Variants in MCTP1 observed in about 807,000 individuals in gnomAD.
MCTP1 encodes multiple C2 and transmembrane domain-containing protein 1.
Under a neutral mutation model 120.6 loss-of-function variants are expected in MCTP1, and 69 were observed. The ratio of observed to expected loss-of-function variants is 0.57; its 90% CI spans 0.47 to 0.70. The LOEUF (loss-of-function observed/expected upper bound fraction) is 0.70. Ranked by LOEUF, MCTP1 falls within the 30% of genes least tolerant of loss-of-function variation. MCTP1 has a pLI of 0.00. For synonymous variants in MCTP1, 529 were observed against 493.1 expected (o/e 1.07, Z -0.96); for missense variants, 1,203 against 1,248.8 (o/e 0.96, Z 0.55).
At chr5:95,028,887 C>T (rs916848135) in intron 1 of MCTP1, among the ~76,000 whole-genome samples, 24 of 152,142 alleles carry the variant, frequency 1.6e-4, no homozygotes, top group African/African-American at 5.8e-4. Context: ...GTAGGCCGGG[C>T]ACGGTGGCTC....
At chr5:95,213,380 A>G (rs1752637968) in intron 1 of MCTP1, among the ~76,000 whole-genome samples, 1 of 152,232 alleles carries the variant, frequency 6.6e-6, no homozygotes, top group Non-Finnish European at 1.5e-5. Context: ...AAACAAATGG[A>G]AGAACATTCC....
At chr5:95,280,643 A>G (rs1760240214) in intron 1 of MCTP1, among the ~76,000 whole-genome samples, 1 of 152,086 alleles carries the variant, frequency 6.6e-6, no homozygotes, top group South Asian at 2.1e-4. Flanking sequence ...AGTGGGAAGA[A>G]AGGGATATTT....
At chr5:94,825,360 T>G (rs1313300780) in intron 17 of MCTP1, among the ~76,000 whole-genome samples, 1 of 152,222 alleles carries the variant, frequency 6.6e-6, no homozygotes, top group African/African-American at 2.4e-5. Context: ...TTGAATGAGT[T>G]TCTTAATCCT....
At position 94,938,579 on chromosome 5, in the gene MCTP1, T is replaced by C. The variant is rs575189327; in HGVS notation, c.1173+1505A>G. Among the ~76,000 whole-genome samples the C allele has an allele frequency of 2.0e-5, 3 of 152,174 alleles. No homozygotes were observed. In the East Asian group the frequency reaches 5.8e-4, roughly 29 times the overall value. ...AGTAAAAATTTTCCTATATTTGCTCTTTCAGCAATATGTACCTCTTTTTCA... is the reference window on the plus strand; with the variant it reads ...AGTAAAAATTTTCCTATATTTGCTCCTTCAGCAATATGTACCTCTTTTTCA... On this transcript the variant is annotated intron_variant, in intron 5 of 22. Transcript: ENST00000515393.
rs1754369764 is a variant in MCTP1 at position 94,705,595 on chromosome 5, C to G, written c.*1901G>C. The G allele has an allele frequency of 6.6e-6, 1 of 150,412 alleles. No homozygotes were observed. Among genetic ancestry groups the G allele is most frequent in the Non-Finnish European group, 1.5e-5 (1 of 67,518 alleles). The allele number at this position is 150,412 out of a possible 1,614,324, so 9.3% of individuals were successfully genotyped here. ...TACAGTGAATGTGTAGTCAGCATTA[C>G]CATTGAACTAAACATCTGAAATTTG... On this transcript the variant is annotated 3_prime_UTR_variant, in exon 23 of 23. Transcript: ENST00000515393.
intron 19 of MCTP1, among the ~76,000 whole-genome samples, chr5:94,732,031 C>T (rs1290474557): frequency 2.0e-5 from 3 of 152,100 alleles, no homozygotes; most frequent in Non-Finnish European, 4.4e-5. Flanking sequence ...AGAAAGCTAC[C>T]TAGTGGCAAA....
chr5:94,938,864 G>A (rs990916949), intron 5 of MCTP1, among the ~76,000 whole-genome samples: 4 of 152,042 alleles, frequency 2.6e-5, no homozygotes, highest in South Asian at 2.1e-4. Flanking sequence ...CTAAGATGAC[G>A]GGCTTTCATT....
At chr5:94,772,630 C>T (rs1774340121) in intron 19 of MCTP1, among the ~76,000 whole-genome samples, 1 of 152,176 alleles carries the variant, frequency 6.6e-6, no homozygotes, top group Non-Finnish European at 1.5e-5. Flanking sequence ...GCCTACTACA[C>T]ACTCCCTCAG....
At chr5:95,194,325 C>T (rs971251295) in intron 1 of MCTP1, among the ~76,000 whole-genome samples, 2 of 152,166 alleles carry the variant, frequency 1.3e-5, no homozygotes, top group African/African-American at 4.8e-5. Flanking sequence ...AAGTGGGATT[C>T]AAACCCAGGC....
At chr5:94,883,400 T>A (rs1800547592) in intron 12 of MCTP1, among the ~76,000 whole-genome samples, 1 of 152,158 alleles carries the variant, frequency 6.6e-6, no homozygotes, top group African/African-American at 2.4e-5. Flanking sequence ...ATACTTTCCT[T>A]GAGGAATGTC....
intron 1 of MCTP1, among the ~76,000 whole-genome samples, chr5:95,192,577 A>G (rs904273272): frequency 6.6e-6 from 1 of 152,134 alleles, no homozygotes; most frequent in African/African-American, 2.4e-5. Flanking sequence ...AAAAGGGCAG[A>G]CATATTTATT....
chr5:95,187,420 G>C (rs1403980363), intron 1 of MCTP1, among the ~76,000 whole-genome samples: 3 of 152,202 alleles, frequency 2.0e-5, no homozygotes, highest in Non-Finnish European at 4.4e-5. Flanking sequence ...TTTGTTTTGA[G>C]ATGGAGTCTT....
chr5:95,196,957 G>A (rs1750464530), intron 1 of MCTP1, among the ~76,000 whole-genome samples: 2 of 152,142 alleles, frequency 1.3e-5, no homozygotes, highest in South Asian at 4.1e-4. Context: ...AAAAAATTAA[G>A]AGTATTAAAC....
chr5:94,768,742 T>C (rs568283556), intron 19 of MCTP1, among the ~76,000 whole-genome samples: 2 of 152,052 alleles, frequency 1.3e-5, no homozygotes, highest in Non-Finnish European at 2.9e-5. Context: ...ATAATGGATG[T>C]AGTCAAAGAT....
At chr5:94,781,505 A>T (rs576861618) in intron 18 of MCTP1, among the ~76,000 whole-genome samples, 2 of 152,314 alleles carry the variant, frequency 1.3e-5, no homozygotes, top group African/African-American at 4.8e-5. Flanking sequence ...ATACCTAATC[A>T]ATGATGCAGA....
chr5:95,024,677 A>ACACACACC (rs1185400384), intron 1 of MCTP1, among the ~76,000 whole-genome samples: 3 of 150,868 alleles, frequency 2.0e-5, no homozygotes, highest in African/African-American at 2.4e-5. Flanking sequence ...ACACACACAC[A>ACACACACC]CCCCTAAATG....
chr5:94,909,133 A>G, intron 10 of MCTP1, 118 bp downstream of exon 10: 3 of 1,232,628 alleles, frequency 2.4e-6, no homozygotes, highest in Non-Finnish European at 3.4e-6. Flanking sequence ...TTGCCTTACC[A>G]TGGTAAAGTC....
intron 19 of MCTP1, among the ~76,000 whole-genome samples, chr5:94,775,561 T>A (rs949031245): frequency 6.6e-6 from 1 of 152,178 alleles, no homozygotes; most frequent in Non-Finnish European, 1.5e-5. Context: ...AACTGTGACT[T>A]TGTGGTTGAT....
chr5:95,150,296 G>C (rs545474104), intron 1 of MCTP1, among the ~76,000 whole-genome samples: 1 of 152,226 alleles, frequency 6.6e-6, no homozygotes, highest in African/African-American at 2.4e-5. Context: ...TTATGTCTCT[G>C]CTGCCTTATT....
Sources: gnomAD v4.1 joint callset for allele counts (sites outside exome capture counted in the v4.1 genomes callset) on GRCh38, gnomAD v4.1.1 for gene constraint, MANE v1.5 for transcripts, NCBI Gene and HGNC (gene_info 2026-07-23, HGNC 2026-07-21) for gene names.